The following TDRD9 variants were observed in gnomAD, a reference collection of about 807,000 sequenced individuals.
TDRD9 encodes tudor domain containing 9.
A neutral mutation model predicts 172.6 loss-of-function variants in TDRD9; 124 were observed. The observed-to-expected ratio is 0.72, with a 90% CI of 0.62 to 0.83. The LOEUF (loss-of-function observed/expected upper bound fraction) is 0.83, where lower values mean the gene tolerates loss of function less well. TDRD9 is among the 40% of genes least tolerant of loss of function. The probability of loss-of-function intolerance (pLI) is 0.00; values close to 1 mark genes in which losing one functional copy is unlikely to be tolerated. For missense variants in TDRD9, 1,479 were observed against 1,714.1 expected, an observed-to-expected ratio of 0.86 and a Z score of 2.42; for synonymous variants, 619 against 617.1, an observed-to-expected ratio of 1.00 and a Z score of -0.05.
chr14:104,008,830 C>T (rs1332017616), intron 20 of TDRD9, among the ~76,000 whole-genome samples: 1 of 152,130 alleles, frequency 6.6e-6, no homozygotes, highest in Non-Finnish European at 1.5e-5. Context: ...GAGAGGTTTG[C>T]ATGAGCCTGG....
At chr14:103,969,672 A>C (rs1476422061) in intron 5 of TDRD9, among the ~76,000 whole-genome samples, 1 of 152,198 alleles carries the variant, frequency 6.6e-6, no homozygotes. Context: ...GAAACTTAGT[A>C]ATTATCTCTC....
intron 1 of TDRD9, among the ~76,000 whole-genome samples, chr14:103,934,018 A>G (rs1441549262): frequency 6.7e-6 from 1 of 150,014 alleles, no homozygotes; most frequent in Non-Finnish European, 1.5e-5. Flanking sequence ...TTTTCTGTTC[A>G]CCCACAAAAT....
intron 28 of TDRD9, among the ~76,000 whole-genome samples, chr14:104,029,573 G>A (rs1376365983): frequency 6.6e-6 from 1 of 152,050 alleles, no homozygotes; most frequent in African/African-American, 2.4e-5. Flanking sequence ...AAGCTTTTTG[G>A]TGGAGTCTTT....
intron 21 of TDRD9, among the ~76,000 whole-genome samples, chr14:104,015,651 C>T (rs1223999233): frequency 2.0e-5 from 3 of 152,288 alleles, no homozygotes; most frequent in Non-Finnish European, 2.9e-5. Flanking sequence ...GAAAGTTGGC[C>T]GACCTTGGGG....
At chr14:103,928,904 G>T in intron 1 of TDRD9, 180 bp downstream of exon 1, 6 of 200,852 alleles carry the variant, frequency 3.0e-5, no homozygotes, top group East Asian at 1.0e-4. Flanking sequence ...AGCGGTGCCT[G>T]TAAGGAAGCT....
chr14:103,984,689 G>T (rs768149581), intron 7 of TDRD9, among the ~76,000 whole-genome samples: 6 of 152,164 alleles, frequency 3.9e-5, no homozygotes, highest in African/African-American at 1.2e-4. Flanking sequence ...TGGGGTTCAG[G>T]CCTCCACACA....
chr14:104,007,839 A>G (rs2152221114), intron 19 of TDRD9, among the ~76,000 whole-genome samples: 1 of 151,844 alleles, frequency 6.6e-6, no homozygotes, highest in Middle Eastern at 3.4e-3. Flanking sequence ...GTGCAGTGGC[A>G]CGATCTTGGC....
At chr14:103,944,874 T>A (rs1450387735) in intron 1 of TDRD9, among the ~76,000 whole-genome samples, 1 of 152,158 alleles carries the variant, frequency 6.6e-6, no homozygotes, top group African/African-American at 2.4e-5. Flanking sequence ...TTCTTTTCCC[T>A]TTTTCCTAAT....
At chr14:104,005,993 C>T (rs2034425611) in intron 15 of TDRD9, among the ~76,000 whole-genome samples, 1 of 152,096 alleles carries the variant, frequency 6.6e-6, no homozygotes, top group Admixed American at 6.6e-5. Flanking sequence ...AATATGATAC[C>T]TCCTTGGGTT....
chr14:104,046,812 A>AT (rs750250221), intron 34 of TDRD9, among the ~76,000 whole-genome samples: 6 of 151,616 alleles, frequency 4.0e-5, no homozygotes, highest in Non-Finnish European at 8.8e-5. Context: ...CACCTGGCTA[A>AT]TTTTTTTGTA....
intron 30 of TDRD9, among the ~76,000 whole-genome samples, chr14:104,033,591 A>G (rs1223204134): frequency 6.6e-6 from 1 of 152,128 alleles, no homozygotes; most frequent in Non-Finnish European, 1.5e-5. Flanking sequence ...GGTGGACCAC[A>G]CTCAGTTCCC....
At chr14:104,026,589 A>G (rs1440352341) in intron 27 of TDRD9, 90 bp from the exon 28 acceptor site, 2 of 1,413,040 alleles carry the variant, frequency 1.4e-6, no homozygotes, top group Middle Eastern at 1.8e-4. Flanking sequence ...TATTGAAGGT[A>G]CATGAACAAG....
chr14:103,988,932 G>T (rs1024545400), intron 8 of TDRD9, among the ~76,000 whole-genome samples: 2 of 151,916 alleles, frequency 1.3e-5, no homozygotes, highest in African/African-American at 4.8e-5. Context: ...AGTATCTTTT[G>T]TTATTAACTA....
chr14:103,952,549 T>C (rs1440521812), intron 1 of TDRD9, among the ~76,000 whole-genome samples: 2 of 151,142 alleles, frequency 1.3e-5, no homozygotes, highest in African/African-American at 4.9e-5. Context: ...CCTTATGTTA[T>C]ATATATTTGC....
In TDRD9 at chr14:104,051,022, G is replaced by A. The variant is rs556206767; in HGVS notation, c.4048-959G>A. On this transcript the variant is annotated intron_variant, in intron 35 of 35. Coordinates refer to ENST00000409874, the MANE Select transcript of TDRD9 (RefSeq NM_153046.3). ...TACATGTGCAGCTTTTGTTACTTGG[G>A]TAGGTGGCATAATGCTGAGGTTTGA... Among the ~76,000 whole-genome samples, 9 of 152,260 alleles carry A rather than the reference G, an allele frequency of 5.9e-5. No homozygotes were observed. In the South Asian group the frequency reaches 1.7e-3, roughly 28 times the overall value.
chr14:104,052,305 G>T lies in TDRD9; in HGVS notation c.*223G>T. ...GAAACTCTAGTCTTTTCTAGAAACA[G>T]AAAATCACTGTATTAAATATTTTGG... On this transcript the variant is annotated 3_prime_UTR_variant, in exon 36 of 36. Transcript: ENST00000409874. The T allele has an allele frequency of 2.9e-6, 1 of 347,042 alleles. No homozygotes were observed. The highest frequency in any genetic ancestry group is 5.3e-6 in the Non-Finnish European group (1 of 188,898). The allele number at this position is 347,042 out of a possible 1,614,324, so 21.5% of individuals were successfully genotyped here.
intron 1 of TDRD9, among the ~76,000 whole-genome samples, chr14:103,931,911 T>C (rs558777299): frequency 1.3e-5 from 2 of 152,248 alleles, no homozygotes; most frequent in South Asian, 4.1e-4. Context: ...GAGAATGGAA[T>C]ATGGGCAGCT....
chr14:103,989,806 T>C (rs1325095388), intron 8 of TDRD9, among the ~76,000 whole-genome samples: 1 of 152,224 alleles, frequency 6.6e-6, no homozygotes, highest in Non-Finnish European at 1.5e-5. Context: ...CTGTCCACTC[T>C]GTGCGTTTTC....
At chr14:104,049,534 T>C (rs2035881157) in intron 34 of TDRD9, 74 bp from the exon 35 acceptor site, 2 of 1,244,792 alleles carry the variant, frequency 1.6e-6, no homozygotes, top group Non-Finnish European at 2.2e-6. Context: ...AGGATTTAAA[T>C]CTTTAAAAAA....
Sources: allele counts gnomAD v4.1 joint callset (sites outside exome capture counted in the v4.1 genomes callset), GRCh38; gene constraint gnomAD v4.1.1; transcripts MANE v1.5; gene names NCBI Gene and HGNC (gene_info 2026-07-23, HGNC 2026-07-21).